LHFPL3: variants seen among roughly 807,000 people sequenced by gnomAD.
The protein encoded by LHFPL3 is LHFPL tetraspan subfamily member 3, also known as LHFPL tetraspan subfamily member 3 protein.
In LHFPL3, 5 loss-of-function variants were observed where a neutral mutation model predicts 19.3. That is an observed-to-expected ratio of 0.26 (90% confidence interval 0.14 to 0.54). The LOEUF (loss-of-function observed/expected upper bound fraction) is 0.54, where lower values mean the gene tolerates loss of function less well. Among genes scored for constraint, LHFPL3 ranks in the 20% least tolerant of loss-of-function variants. LHFPL3 has a pLI of 0.94. For synonymous variants in LHFPL3, 133 were observed against 126.2 expected (o/e 1.05, Z -0.36); for missense variants, 249 against 307.4 (o/e 0.81, Z 1.42).
chr7:104,479,626 A>G (rs12705221), intron 1 of LHFPL3, among the ~76,000 whole-genome samples: 77,736 of 151,900 alleles, frequency 0.51, 20,226 homozygotes, highest in Middle Eastern at 0.56. Flanking sequence ...TCCTGACCTC[A>G]TGTGATCCAC....
chr7:104,378,273 T>A (rs1790757184), intron 1 of LHFPL3, among the ~76,000 whole-genome samples: 1 of 152,230 alleles, frequency 6.6e-6, no homozygotes, highest in South Asian at 2.1e-4. Flanking sequence ...TCATTAGAGA[T>A]GAGTTTGCTT....
intron 2 of LHFPL3, among the ~76,000 whole-genome samples, chr7:104,741,771 C>T (rs184419541): frequency 9.7e-4 from 147 of 152,116 alleles, no homozygotes; most frequent in Non-Finnish European, 1.2e-3. Flanking sequence ...CTCAAACTCC[C>T]GGTTTCAAGG....
intron 2 of LHFPL3, among the ~76,000 whole-genome samples, chr7:104,827,784 T>C (rs1790854108): frequency 6.6e-6 from 1 of 151,874 alleles, no homozygotes; most frequent in Non-Finnish European, 1.5e-5. Flanking sequence ...AAAAAGTTAT[T>C]TTGGAGATGC....
At chr7:104,486,301 A>T (rs1383662504) in intron 1 of LHFPL3, among the ~76,000 whole-genome samples, 2 of 152,110 alleles carry the variant, frequency 1.3e-5, no homozygotes, top group African/African-American at 4.8e-5. Flanking sequence ...CATTTTACTC[A>T]TTTGTACTTT....
chr7:104,427,590 A>T (rs1223663432), intron 1 of LHFPL3, among the ~76,000 whole-genome samples: 1 of 152,180 alleles, frequency 6.6e-6, no homozygotes, highest in Non-Finnish European at 1.5e-5. Context: ...ACATATCTCA[A>T]AAAACTTTCT....
At chr7:104,566,952 T>C (rs913296427) in intron 1 of LHFPL3, among the ~76,000 whole-genome samples, 1 of 152,254 alleles carries the variant, frequency 6.6e-6, no homozygotes, top group African/African-American at 2.4e-5. Flanking sequence ...TTTCTCTTCT[T>C]AATGTATTTG....
chr7:104,419,055 T>C (rs1325304700), intron 1 of LHFPL3, among the ~76,000 whole-genome samples: 2 of 152,236 alleles, frequency 1.3e-5, no homozygotes, highest in African/African-American at 4.8e-5. Flanking sequence ...CATCCTTGTT[T>C]AAGATTTAAC....
chr7:104,414,452 C>G (rs1584303525), intron 1 of LHFPL3, among the ~76,000 whole-genome samples: 1 of 152,192 alleles, frequency 6.6e-6, no homozygotes, highest in East Asian at 1.9e-4. Context: ...TTCTGAGCAA[C>G]ACGTGATTGC....
intron 1 of LHFPL3, among the ~76,000 whole-genome samples, chr7:104,410,396 G>C (rs1364897058): frequency 6.6e-6 from 1 of 152,200 alleles, no homozygotes; most frequent in African/African-American, 2.4e-5. Context: ...GCCTCCCAAA[G>C]TGCTGGGATT....
chr7:104,816,540 A>G (rs4730050), intron 2 of LHFPL3, among the ~76,000 whole-genome samples: 1 of 152,226 alleles, frequency 6.6e-6, no homozygotes. Context: ...CTCTATGGTA[A>G]CCATGGTTTC....
At chr7:104,696,678 G>C (rs1793002247) in intron 1 of LHFPL3, among the ~76,000 whole-genome samples, 1 of 152,170 alleles carries the variant, frequency 6.6e-6, no homozygotes, top group Admixed American at 6.5e-5. Flanking sequence ...AATAAAAATT[G>C]TAGAAGGTCT....
At chr7:104,578,461 C>A (rs1222347822) in intron 1 of LHFPL3, among the ~76,000 whole-genome samples, 1 of 152,148 alleles carries the variant, frequency 6.6e-6, no homozygotes, top group African/African-American at 2.4e-5. Flanking sequence ...GGCAGGTAGG[C>A]AAGAGTGTTC....
Position 104,510,388 on chromosome 7 carries a change from A to G in LHFPL3, c.445+181164A>G, listed in dbSNP as rs538944003. On this transcript the variant is annotated intron_variant, in intron 1 of 2. Transcript: ENST00000424859. ...TATTGGTGGAGGGACAGACACACAG[A>G]TCAATGGAACAAAATAGAGAACCCC... 5.5e-4 allele frequency among the ~76,000 whole-genome samples: 84 copies of G among 152,246 alleles called. 2 individuals carry two copies. The South Asian group carries it at 9.5e-3, about 17-fold the overall frequency.
intron 1 of LHFPL3, among the ~76,000 whole-genome samples, chr7:104,632,986 T>C (rs1056911446): frequency 6.6e-6 from 1 of 152,314 alleles, no homozygotes; most frequent in South Asian, 2.1e-4. Context: ...ATACAAGTAA[T>C]TGGATAGTCT....
At chr7:104,862,700 T>C (rs1791639052) in intron 2 of LHFPL3, among the ~76,000 whole-genome samples, 1 of 152,100 alleles carries the variant, frequency 6.6e-6, no homozygotes, top group African/African-American at 2.4e-5. Context: ...AGCTCAAAGC[T>C]AGACACAGAC....
intron 1 of LHFPL3, among the ~76,000 whole-genome samples, chr7:104,670,353 G>GA (rs1792453937): frequency 6.6e-6 from 1 of 152,170 alleles, no homozygotes; most frequent in African/African-American, 2.4e-5. Context: ...GGAAGCACTT[G>GA]GGGGTCGTGG....
intron 2 of LHFPL3, among the ~76,000 whole-genome samples, chr7:104,801,527 T>A (rs929242070): frequency 9.9e-5 from 15 of 152,086 alleles, no homozygotes; most frequent in African/African-American, 3.6e-4. Flanking sequence ...GCACCAAAGT[T>A]TTTTGTTGTT....
chr7:104,478,567 G>A (rs1489993334), intron 1 of LHFPL3, among the ~76,000 whole-genome samples: 1 of 152,216 alleles, frequency 6.6e-6, no homozygotes, highest in Admixed American at 6.5e-5. Flanking sequence ...TCTGTGGCCA[G>A]TGGCTTATCC....
chr7:104,861,542 C>G (rs543919481), intron 2 of LHFPL3, among the ~76,000 whole-genome samples: 10 of 152,070 alleles, frequency 6.6e-5, no homozygotes, highest in African/African-American at 9.7e-5. Flanking sequence ...GGGTTAGCAA[C>G]AGAGAGAGCT....
Sources: allele counts gnomAD v4.1 joint callset (sites outside exome capture counted in the v4.1 genomes callset), GRCh38; gene constraint gnomAD v4.1.1; transcripts MANE v1.5; gene names NCBI Gene and HGNC (gene_info 2026-07-23, HGNC 2026-07-21).